Variants in RNF182 observed in about 807,000 individuals in gnomAD.
RNF182 encodes E3 ubiquitin-protein ligase RNF182.
A neutral mutation model predicts 14.4 loss-of-function variants in RNF182; 15 were observed. That is an observed-to-expected ratio of 1.04 (90% CI 0.70 to 1.60). The LOEUF is 1.60. Ranked by LOEUF, RNF182 falls within the 40% of genes most tolerant of loss-of-function variation. RNF182 has a pLI of 0.00. For synonymous variants in RNF182, 128 were observed against 122.9 expected (o/e 1.04, Z -0.27); for missense variants, 268 against 294.8 (o/e 0.91, Z 0.67).
chr6:13,953,850 T>A (rs2113618334), intron 1 of RNF182, among the ~76,000 whole-genome samples: 1 of 152,266 alleles, frequency 6.6e-6, no homozygotes, highest in African/African-American at 2.4e-5. Flanking sequence ...GGTGAGGCCA[T>A]CGCCAGCACC....
intron 2 of RNF182, among the ~76,000 whole-genome samples, chr6:13,974,828 C>T (rs1041650198): frequency 1.3e-5 from 2 of 152,174 alleles, no homozygotes; most frequent in African/African-American, 2.4e-5. Flanking sequence ...TGTCTTTATG[C>T]ATGTGTTTAC....
intron 1 of RNF182, among the ~76,000 whole-genome samples, chr6:13,938,576 TAC>T (rs1759202863): frequency 6.6e-6 from 1 of 152,234 alleles, no homozygotes; most frequent in Admixed American, 6.5e-5. Context: ...TTTATTGTTT[TAC>T]TTTTCACATT....
At chr6:13,965,281 A>G (rs1759992995) in intron 1 of RNF182, among the ~76,000 whole-genome samples, 1 of 152,220 alleles carries the variant, frequency 6.6e-6, no homozygotes, top group East Asian at 1.9e-4. Flanking sequence ...GAAGAATCTG[A>G]AAGTACAGAA....
intron 1 of RNF182, among the ~76,000 whole-genome samples, chr6:13,957,505 A>G (rs546923766): frequency 6.6e-6 from 1 of 152,234 alleles, no homozygotes; most frequent in African/African-American, 2.4e-5. Context: ...CATTAATTGG[A>G]TTGGTGACAT....
At chr6:13,963,369 G>A (rs1759929108) in intron 1 of RNF182, among the ~76,000 whole-genome samples, 1 of 152,176 alleles carries the variant, frequency 6.6e-6, no homozygotes, top group Non-Finnish European at 1.5e-5. Context: ...GAAAGAAATA[G>A]CATGCTATTT....
At chr6:13,952,623 G>A (rs1759625579) in intron 1 of RNF182, among the ~76,000 whole-genome samples, 1 of 152,080 alleles carries the variant, frequency 6.6e-6, no homozygotes, top group Non-Finnish European at 1.5e-5. Context: ...GGTCTCTCCG[G>A]TATCATCCCT....
At chr6:13,964,741 A>C (rs1453318369) in intron 1 of RNF182, among the ~76,000 whole-genome samples, 1 of 152,078 alleles carries the variant, frequency 6.6e-6, no homozygotes, top group African/African-American at 2.4e-5. Context: ...ACTGTGATGA[A>C]CTTGACCTAC....
chr6:13,937,553 A>G (rs1337200338), intron 1 of RNF182, among the ~76,000 whole-genome samples: 2 of 152,190 alleles, frequency 1.3e-5, no homozygotes, highest in African/African-American at 2.4e-5. Context: ...CTGTAGCACA[A>G]TTTTTAAAAT....
At chr6:13,928,627 C>G (rs929086987) in intron 1 of RNF182, among the ~76,000 whole-genome samples, 4 of 152,024 alleles carry the variant, frequency 2.6e-5, no homozygotes, top group African/African-American at 9.7e-5. Flanking sequence ...TTATATTTTG[C>G]ATTTTGAGTA....
intron 1 of RNF182, among the ~76,000 whole-genome samples, chr6:13,948,026 C>G (rs1277920854): frequency 2.0e-5 from 3 of 152,130 alleles, no homozygotes; most frequent in Admixed American, 2.0e-4. Flanking sequence ...TTGTTGAAAG[C>G]TGTAAATAGC....
rs1346113405 is a variant in RNF182 at position 13,978,366 on chromosome 6, T to G, written c.*503T>G. On this transcript the variant is annotated 3_prime_UTR_variant, in exon 3 of 3. Transcript: ENST00000488300. ...CACTCTCTGTGGTCGGCGATCCCAT[T>G]GAGATACTTGTTTCCTCTGCCCATT... 6.1e-6 allele frequency: 1 copy of G among 163,172 alleles called. No homozygotes were observed. Among genetic ancestry groups the G allele is most frequent in the Non-Finnish European group, 1.5e-5 (1 of 68,030 alleles). 10.1% of individuals were successfully genotyped at this position (163,172 alleles called of 1,614,324 possible).
intron 1 of RNF182, among the ~76,000 whole-genome samples, chr6:13,962,325 T>C (rs1759903635): frequency 6.6e-6 from 1 of 152,222 alleles, no homozygotes; most frequent in Admixed American, 6.5e-5. Context: ...CAATTGGGTG[T>C]CAGAGAGATG....
At chr6:13,939,818 C>T (rs1759243469) in intron 1 of RNF182, among the ~76,000 whole-genome samples, 1 of 152,226 alleles carries the variant, frequency 6.6e-6, no homozygotes, top group African/African-American at 2.4e-5. Context: ...GCTGGGATTA[C>T]AGGCGTGAGC....
chr6:13,959,521 A>C (rs572603163), intron 1 of RNF182, among the ~76,000 whole-genome samples: 1 of 152,366 alleles, frequency 6.6e-6, no homozygotes, highest in South Asian at 2.1e-4. Flanking sequence ...TAGAAGCATG[A>C]AGATAAATTA....
intron 1 of RNF182, among the ~76,000 whole-genome samples, chr6:13,971,487 A>AT (rs1437590840): frequency 6.6e-5 from 10 of 152,196 alleles, no homozygotes; most frequent in Non-Finnish European, 1.3e-4. Flanking sequence ...AATACAGTAA[A>AT]TTAGTACCAG....
rs554986305 is a variant in RNF182, at chr6:13,964,061, A to G, written c.-366-10149A>G. Among the ~76,000 whole-genome samples the G allele has an allele frequency of 3.3e-5, 5 of 152,244 alleles. No individual in the cohort carries two copies. The East Asian group carries it at 9.7e-4, about 29-fold the overall frequency. On this transcript the variant is annotated intron_variant, in intron 1 of 2. Coordinates refer to ENST00000488300, the MANE Select transcript of RNF182 (RefSeq NM_152737.4). ...AAGACTCAAGACAATCTCAGTTAAG[A>G]AAAACACGAATTTTTTAAAATGTAA...
chr6:13,929,496 A>G (rs921628978), intron 1 of RNF182, among the ~76,000 whole-genome samples: 2 of 152,188 alleles, frequency 1.3e-5, no homozygotes, highest in Non-Finnish European at 2.9e-5. Context: ...CTTCCTGTAT[A>G]TTGGTTTACT....
chr6:13,968,202 G>A (rs1760083960), intron 1 of RNF182, among the ~76,000 whole-genome samples: 1 of 152,130 alleles, frequency 6.6e-6, no homozygotes, highest in African/African-American at 2.4e-5. Flanking sequence ...TAATTAATAA[G>A]GAGTAAAACA....
Position 13,939,605 on chromosome 6 carries a change from G to A in RNF182, c.-367+14582G>A, listed in dbSNP as rs146321824. On this transcript the variant is annotated intron_variant, in intron 1 of 2. Transcript: ENST00000488300. ...GTTGCCCACACTGGAGTGCAGTGGC[G>A]CGATCTGGGCTCGCTGCAAGCCCTG... 4.7e-3 allele frequency among the ~76,000 whole-genome samples: 710 copies of A among 151,732 alleles called. 6 individuals are homozygous for A. Among genetic ancestry groups the A allele is most frequent in the Non-Finnish European group, 7.9e-3 (539 of 67,940 alleles).
Sources: allele counts gnomAD v4.1 joint callset (sites outside exome capture counted in the v4.1 genomes callset), GRCh38; gene constraint gnomAD v4.1.1; transcripts MANE v1.5; gene names NCBI Gene and HGNC (gene_info 2026-07-23, HGNC 2026-07-21).